The following TMEM106A variants were observed in gnomAD, a reference collection of about 807,000 sequenced individuals.
The protein encoded by TMEM106A is transmembrane protein 106A.
TMEM106A carries 22 observed loss-of-function variants against 25.1 expected under a neutral mutation model. The observed-to-expected ratio is 0.88, with a 90% CI of 0.63 to 1.25. The LOEUF is 1.25. TMEM106A is among the 50% of genes most tolerant of loss of function. The pLI, the probability that TMEM106A is intolerant of heterozygous loss-of-function variation, is 0.00. For missense variants in TMEM106A, 275 were observed against 318.1 expected (o/e 0.86, Z 1.03); for synonymous variants, 104 against 129.9 (o/e 0.80, Z 1.35).
intron 7 of TMEM106A, 121 bp downstream of exon 7, chr17:43,216,861 A>C: frequency 3.2e-6 from 4 of 1,256,568 alleles, no homozygotes; most frequent in Non-Finnish European, 4.6e-6. Context: ...CTGCCCTCCC[A>C]TGGCCGAGAA....
intron 4 of TMEM106A, among the ~76,000 whole-genome samples, chr17:43,214,207 AAAAAAAAAAAG>A (rs1218730632): frequency 1.4e-5 from 1 of 71,422 alleles, no homozygotes. Flanking sequence ...AAAAAAAAAG[AAAAAAAAAAAG>A]AAAAGAAAGA....
chr17:43,213,795 C>T, intron 3 of TMEM106A, 33 bp from the exon 4 acceptor site: 14 of 1,610,310 alleles, frequency 8.7e-6, no homozygotes, highest in Non-Finnish European at 1.0e-5. Flanking sequence ...ACAGTTGCAT[C>T]TTGGCCCTCC....
At chr17:43,214,194 AAAAAAAAAAAAG>A (rs1388997362) in intron 4 of TMEM106A, among the ~76,000 whole-genome samples, 366 of 146,740 alleles carry the variant, frequency 2.5e-3, no homozygotes, top group Middle Eastern at 0.025. Context: ...CTATCAAAAA[AAAAAAAAAAAAG>A]AAAAAAAAAA....
At position 43,216,549 on chromosome 17, in the gene TMEM106A, A is replaced by T; in HGVS notation, c.530A>T (p.Asn177Ile). ...TCCCTCGTGGTGGGGCAGGTTTCCAACAACCTTCTCCTACACATTGGCCCT... is the reference window on the plus strand; with the variant it reads ...TCCCTCGTGGTGGGGCAGGTTTCCATCAACCTTCTCCTACACATTGGCCCT... ...HLSLVVGQVS[N>I]NLLLHIGPLA... Residue 177 changes from asparagine (N) to isoleucine (I), a missense_variant, in exon 6 of 9, where the codon AAC (asparagine) becomes ATC (isoleucine). Asn to Ile is a moderately radical substitution (Grantham distance 149). Transcript: ENST00000612339. 1 of 1,614,166 alleles carries T rather than the reference A, an allele frequency of 6.2e-7. No individual in the cohort carries two copies. The highest frequency in any genetic ancestry group is 8.5e-7 in the Non-Finnish European group (1 of 1,180,026).
In TMEM106A at chr17:43,217,332, C is replaced by G. The variant is rs766844488; in HGVS notation, c.668+20C>G. 58 of 1,613,716 alleles carry G rather than the reference C, an allele frequency of 3.6e-5. No individual in the cohort carries two copies. In the South Asian group the frequency reaches 6.3e-4, roughly 17 times the overall value. On this transcript the variant is annotated intron_variant, in intron 8 of 8. Coordinates refer to ENST00000612339, the MANE Select transcript of TMEM106A (RefSeq NM_145041.4). ...CATCCAGTAAGTAGAGCTTGGAGCT[C>G]TGGTATCCCTGCTCTCACTTCTGAC...
In TMEM106A at chr17:43,218,011, C is replaced by T; in HGVS notation, c.*210C>T. 1 of 645,396 alleles carries T rather than the reference C, an allele frequency of 1.5e-6. No individual in the cohort carries two copies. Among genetic ancestry groups the T allele is most frequent in the Non-Finnish European group, 2.5e-6 (1 of 395,692 alleles). 40.0% of individuals were successfully genotyped at this position (645,396 alleles called of 1,614,324 possible). ...CATATCCTCCAGTTTCCCCCAGATTCTTTCAGGGGCTGCCATCAGATTCTG... is the reference window on the plus strand; with the variant it reads ...CATATCCTCCAGTTTCCCCCAGATTTTTTCAGGGGCTGCCATCAGATTCTG... On this transcript the variant is annotated 3_prime_UTR_variant, in exon 9 of 9. Transcript: ENST00000612339.
Position 43,212,327 on chromosome 17 carries a change from C to G in TMEM106A, c.-89C>G, listed in dbSNP as rs1033898154. ...ACTCTGCCCTTAGAGGCCCTTCTCC[C>G]CAAAGACGCACTCCAGAAGTCTCGC... On this transcript the variant is annotated 5_prime_UTR_variant, in exon 2 of 9. Transcript: ENST00000612339. The G allele has an allele frequency of 1.3e-5, 2 of 152,648 alleles. No homozygotes were observed. Among genetic ancestry groups the G allele is most frequent in the Admixed American group, 6.5e-5 (1 of 15,282 alleles). The allele number at this position is 152,648 out of a possible 1,614,324, so 9.5% of individuals were successfully genotyped here. A position where few individuals can be genotyped will look rare whatever the true frequency, so the allele number is the denominator to read the frequency against.
rs1312890289 is a variant in TMEM106A, at chr17:43,219,161, G to A, written c.*1360G>A. ...TGGGTCCAGCTGCTGTCATCTGAAA[G>A]CCTTCAGGAGATGAAGCTATCAGTA... On this transcript the variant is annotated 3_prime_UTR_variant, in exon 9 of 9. Coordinates refer to ENST00000612339, the MANE Select transcript of TMEM106A (RefSeq NM_145041.4). 6.6e-6 allele frequency: 1 copy of A among 152,214 alleles called. No homozygotes were observed. Among genetic ancestry groups the A allele is most frequent in the East Asian group, 1.9e-4 (1 of 5,198 alleles). The allele number at this position is 152,214 out of a possible 1,614,324, so 9.4% of individuals were successfully genotyped here. A position where few individuals can be genotyped will look rare whatever the true frequency, so the allele number is the denominator to read the frequency against.
chr17:43,213,302 T>A, intron 3 of TMEM106A, 50 bp downstream of exon 3: 2 of 1,603,190 alleles, frequency 1.2e-6, no homozygotes, highest in Non-Finnish European at 1.7e-6. Flanking sequence ...GGAAAGTTCT[T>A]AGCCTGTTGG....
intron 7 of TMEM106A, chr17:43,217,029 T>C (rs771727665): frequency 3.2e-6 from 2 of 628,174 alleles, no homozygotes; most frequent in Admixed American, 2.8e-5. Flanking sequence ...GTCTCCTGAA[T>C]GGGGGTCCAG....
intron 8 of TMEM106A, 91 bp from the exon 9 acceptor site, chr17:43,217,590 A>G: frequency 6.5e-7 from 1 of 1,545,832 alleles, no homozygotes; most frequent in East Asian, 2.3e-5. Context: ...CAAATGAGGG[A>G]GCTCCCCGCT....
At chr17:43,217,349 A>G in intron 8 of TMEM106A, 37 bp downstream of exon 8, 1 of 1,608,402 alleles carries the variant, frequency 6.2e-7, no homozygotes, top group Non-Finnish European at 8.5e-7. Flanking sequence ...CCCTGCTCTC[A>G]CTTCTGACTT....
At chr17:43,215,694 T>G in intron 4 of TMEM106A, 94 bp from the exon 5 acceptor site, 1 of 1,385,582 alleles carries the variant, frequency 7.2e-7, no homozygotes, top group Non-Finnish European at 1.0e-6. Context: ...GGGGAAAGCT[T>G]TGTATATGGA....
At chr17:43,214,206 G>GAAAAAAAAAAAAA (rs1169930576) in intron 4 of TMEM106A, among the ~76,000 whole-genome samples, 1 of 127,266 alleles carries the variant, frequency 7.9e-6, no homozygotes, top group Non-Finnish European at 1.6e-5. Context: ...AAAAAAAAAA[G>GAAAAAAAAAAAAA]AAAAAAAAAA....
At position 43,217,799 on chromosome 17, in the gene TMEM106A, T is replaced by C; in HGVS notation, c.787T>C (p.Ter263ArgextTer24). The C allele has an allele frequency of 1.2e-6, 2 of 1,614,168 alleles. No individual in the cohort carries two copies. Among genetic ancestry groups the C allele is most frequent in the Non-Finnish European group, 1.7e-6 (2 of 1,180,010 alleles). Residue 263 changes from the stop codon to arginine, a stop_lost, in exon 9 of 9, where the codon TGA (stop) becomes CGA (arginine). Coordinates refer to ENST00000612339, the MANE Select transcript of TMEM106A (RefSeq NM_145041.4). ...VPHQLTPHPP[*>R] ...CCACCAGCTGACCCCTCACCCACCATGACCTGTCTGCTGTCCCTGTACTCC... is the reference window on the plus strand; with the variant it reads ...CCACCAGCTGACCCCTCACCCACCACGACCTGTCTGCTGTCCCTGTACTCC...
At chr17:43,216,083 G>GCT in intron 5 of TMEM106A, 142 bp downstream of exon 5, 1 of 994,090 alleles carries the variant, frequency 1.0e-6, no homozygotes. Flanking sequence ...AGAAGTAGGA[G>GCT]CAACCATGAG....
At chr17:43,213,750 G>A (rs774065082) in intron 3 of TMEM106A, 78 bp from the exon 4 acceptor site, 130 of 1,428,960 alleles carry the variant, frequency 9.1e-5, no homozygotes, top group Non-Finnish European at 1.2e-4. Flanking sequence ...GGGTGGAGGC[G>A]TGCTTCTGGG....
intron 7 of TMEM106A, chr17:43,216,969 G>A (rs980619041): frequency 3.2e-6 from 2 of 634,392 alleles, no homozygotes; most frequent in African/African-American, 3.7e-5. Context: ...TACAATATGT[G>A]ACCTTGGGCT....
At chr17:43,213,305 C>G in intron 3 of TMEM106A, 53 bp downstream of exon 3, 1 of 1,595,798 alleles carries the variant, frequency 6.3e-7, no homozygotes, top group South Asian at 1.1e-5. Flanking sequence ...AAGTTCTTAG[C>G]CTGTTGGCCT....
Sources: gnomAD v4.1 joint callset for allele counts (sites outside exome capture counted in the v4.1 genomes callset) on GRCh38, gnomAD v4.1.1 for gene constraint, MANE v1.5 for transcripts, NCBI Gene and HGNC (gene_info 2026-07-23, HGNC 2026-07-21) for gene names.